Variants in FCER2 observed in about 807,000 individuals in gnomAD.
FCER2 encodes the protein Fc epsilon receptor II, also known as low affinity immunoglobulin epsilon Fc receptor.
Under a neutral mutation model 49.7 loss-of-function variants are expected in FCER2, and 38 were observed. The observed-to-expected ratio is 0.76, with a 90% CI of 0.59 to 1.00. The LOEUF is 1.00. Ranked by LOEUF, FCER2 falls within the 50% of genes least tolerant of loss-of-function variation. The pLI is 0.00. For synonymous variants in FCER2, 163 were observed against 164.6 expected (o/e 0.99, Z 0.07); for missense variants, 425 against 419.5 (o/e 1.01, Z -0.11).
chr19:7,696,863 T>C lies in FCER2; in HGVS notation c.431A>G (p.Glu144Gly). Residue 144 changes from glutamate (E) to glycine (G), a missense_variant, in exon 8 of 11, where the codon GAG becomes GGG. Physicochemically the swap from Glu to Gly is moderately conservative, Grantham distance 98 (BLOSUM62 -2). Transcript: ENST00000597921. Reference sequence around the variant, plus strand: ...CAACTCCATCCTTAGCTTTGTCACCTCCTCCCGGAGTCTTTCCAGCAAATC... The same window carrying C: ...CAACTCCATCCTTAGCTTTGTCACCCCCTCCCGGAGTCTTTCCAGCAAATC... ...ASDLLERLRE[E>G]VTKLRMELQV... The C allele has an allele frequency of 6.3e-7, 1 of 1,587,202 alleles. No individual in the cohort carries two copies. The highest frequency in any genetic ancestry group is 8.6e-7 in the Non-Finnish European group (1 of 1,165,984).
At chr19:7,694,787 T>C (rs547992293) in intron 8 of FCER2, among the ~76,000 whole-genome samples, 1 of 152,174 alleles carries the variant, frequency 6.6e-6, no homozygotes, top group South Asian at 2.1e-4. Context: ...GTGGGGGCAT[T>C]AGCTGGCGGA....
chr19:7,699,237 A>G, intron 2 of FCER2: 1 of 474,070 alleles, frequency 2.1e-6, no homozygotes, highest in Admixed American at 2.8e-5. Context: ...ACTGAGTCCC[A>G]GTTCTTCCCC....
intron 1 of FCER2, among the ~76,000 whole-genome samples, chr19:7,701,105 C>T (rs551773058): frequency 8.5e-5 from 13 of 152,200 alleles, no homozygotes; most frequent in African/African-American, 3.1e-4. Flanking sequence ...CCACTGCGCC[C>T]GACCAAGTCC....
chr19:7,692,162 G>A (rs1408289246), intron 8 of FCER2, among the ~76,000 whole-genome samples: 1 of 125,576 alleles, frequency 8.0e-6, no homozygotes, highest in Non-Finnish European at 1.7e-5. Context: ...CCATCAGCAC[G>A]AATACATTCA....
At position 7,688,914 on chromosome 19, in the gene FCER2, T is replaced by C; in HGVS notation, c.*279A>G. On this transcript the variant is annotated 3_prime_UTR_variant, in exon 11 of 11. Transcript: ENST00000597921. ...AGGGTGCTGTTGGGGTGTACTCTCA[T>C]CTGGAGAGGGTGCTGTTGGGGTGTA... is the stretch of plus-strand genomic sequence containing the variant. 1 of 458,284 alleles carries C rather than the reference T, an allele frequency of 2.2e-6. No individual in the cohort carries two copies. Among genetic ancestry groups the C allele is most frequent in the East Asian group, 3.6e-5 (1 of 27,900 alleles). The allele number at this position is 458,284 out of a possible 1,614,324, so 28.4% of individuals were successfully genotyped here.
chr19:7,690,281 G>T lies in FCER2; in HGVS notation c.622-16C>A. 6.2e-7 allele frequency: 1 copy of T among 1,610,768 alleles called. No individual in the cohort carries two copies. Among genetic ancestry groups the T allele is most frequent in the Non-Finnish European group, 8.5e-7 (1 of 1,177,090 alleles). On this transcript the variant is annotated splice_polypyrimidine_tract_variant and intron_variant, in intron 9 of 10. Coordinates refer to ENST00000597921, the MANE Select transcript of FCER2 (RefSeq NM_001220500.2). Reference sequence around the variant, plus strand: ...TCAGGAAGTCCTGGGGGACAGGACAGGGCTGGAGGACTGGAGACATGTGCC... The same window carrying T: ...TCAGGAAGTCCTGGGGGACAGGACATGGCTGGAGGACTGGAGACATGTGCC...
At chr19:7,692,616 C>T (rs535250741) in intron 8 of FCER2, among the ~76,000 whole-genome samples, 18 of 137,198 alleles carry the variant, frequency 1.3e-4, no homozygotes, top group South Asian at 1.2e-3. Context: ...GCCAGCAGAA[C>T]GCCAGTCACT....
At position 7,689,360 on chromosome 19, in the gene FCER2, G is replaced by T. The variant is rs752039664; in HGVS notation, c.799C>A (p.Arg267Ser). The T allele has an allele frequency of 1.9e-6, 3 of 1,610,442 alleles. No homozygotes were observed. The highest frequency in any genetic ancestry group is 2.2e-5 in the South Asian group (2 of 90,588). ...CGGTCGCAGAAGGCGTCGTTCCAGCGACCGGAGCCCCGCATCATCACGCAG... is the reference window on the plus strand; with the variant it reads ...CGGTCGCAGAAGGCGTCGTTCCAGCTACCGGAGCCCCGCATCATCACGCAG... ...EDCVMMRGSG[R>S]WNDAFCDRKL... Residue 267 changes from arginine (R) to serine (S), a missense_variant, in exon 11 of 11, where the codon CGC becomes AGC. By Grantham distance (110) the Arg-to-Ser change is moderately radical (BLOSUM62 -1). Transcript: ENST00000597921.
chr19:7,699,224 G>T (rs2033099010), intron 2 of FCER2, among the ~76,000 whole-genome samples: 1 of 151,648 alleles, frequency 6.6e-6, no homozygotes. Context: ...CTAAACCCAG[G>T]ACACTGAGTC....
At position 7,690,415 on chromosome 19, in the gene FCER2, C is replaced by T. The variant is rs375077946; in HGVS notation, c.612G>A (p.Pro204=). 17 of 1,613,922 alleles carry T rather than the reference C, an allele frequency of 1.1e-5. No homozygotes were observed. Among genetic ancestry groups the T allele is most frequent in the African/African-American group, 5.3e-5 (4 of 75,062 alleles). Residue 204 remains proline, a synonymous_variant, in exon 9 of 11, where the codon CCG becomes CCA. Transcript: ENST00000597921. ...CAGAGCCCCAGCCCACCTGCTCCTC[C>T]GGGCTGTGGATGCTGACCAGCTGCC... ...MEGQLVSIHS[P]EEQDFLTKHA... is the part of the protein sequence containing the mutation.
Position 7,698,364 on chromosome 19 carries a change from G to A in FCER2, c.182C>T (p.Ala61Val). 6.2e-7 allele frequency: 1 copy of A among 1,611,608 alleles called. No homozygotes were observed. Among genetic ancestry groups the A allele is most frequent in the Non-Finnish European group, 8.5e-7 (1 of 1,178,350 alleles). ...QSLKQLEERA[A>V]RNVSQVSKNL... ...CCTTGACCCCTTCATACCGTTCCGGGCAGCCCTCTCTTCCAGCTGTTTTAG... is the reference window on the plus strand; with the variant it reads ...CCTTGACCCCTTCATACCGTTCCGGACAGCCCTCTCTTCCAGCTGTTTTAG... The change falls in exon 4 of 11, where the codon GCC becomes GTC. Residue 61 changes from alanine (A) to valine (V), a missense_variant. Physicochemically the swap from Ala to Val is moderately conservative, Grantham distance 64. Coordinates refer to ENST00000597921, the MANE Select transcript of FCER2 (RefSeq NM_001220500.2).
In FCER2 at chr19:7,699,254, G is replaced by A. The variant is rs531113334; in HGVS notation, c.23-400C>T. 8.9e-4 allele frequency: 465 copies of A among 521,960 alleles called. 1 individual carries two copies. The highest frequency in any genetic ancestry group is 1.6e-3 in the Admixed American group (58 of 35,716). 32.3% of individuals were successfully genotyped at this position (521,960 alleles called of 1,614,324 possible). ...TGAGTCCCAGTTCTTCCCCAACATC[G>A]GAGCCACTCCCCAGCCACTTTCCCA... is the stretch of plus-strand genomic sequence containing the variant. On this transcript the variant is annotated intron_variant, in intron 2 of 10. Coordinates refer to ENST00000597921, the MANE Select transcript of FCER2 (RefSeq NM_001220500.2).
intron 2 of FCER2, 173 bp downstream of exon 2, chr19:7,699,566 T>A: frequency 8.3e-7 from 1 of 1,204,858 alleles, no homozygotes; most frequent in Non-Finnish European, 1.2e-6. Flanking sequence ...CCTTCCTGGC[T>A]CTGTGCCAGG....
chr19:7,689,113 G>T lies in FCER2; in HGVS notation c.*80C>A. ...TTTGGGTGGCAGAAAATGTCACAGG[G>T]ACCTTTCAGCCACAAAGAGGCTTTT... is the stretch of plus-strand genomic sequence containing the variant. On this transcript the variant is annotated 3_prime_UTR_variant, in exon 11 of 11. Coordinates refer to ENST00000597921, the MANE Select transcript of FCER2 (RefSeq NM_001220500.2). The T allele has an allele frequency of 1.0e-6, 1 of 976,648 alleles. No homozygotes were observed. The highest frequency in any genetic ancestry group is 1.6e-6 in the Non-Finnish European group (1 of 631,830). The allele number at this position is 976,648 out of a possible 1,614,324, so 60.5% of individuals were successfully genotyped here.
rs2032821544 is a variant in FCER2 at position 7,690,200 on chromosome 19, C to T, written c.687G>A (p.Lys229=). Residue 229 remains lysine, a synonymous_variant, in exon 10 of 11, where the codon AAG becomes AAA. Transcript: ENST00000597921. ...SWIGLRNLDL[K]GEFIWVDGSH... is the part of the protein sequence containing the mutation. The stretch of plus-strand genomic sequence containing the variant: ...TCCCATCCACCCAGATAAACTCCCC[C>T]TTCAGGTCCAAGTTCCGAAGGCCAA... 6.2e-7 allele frequency: 1 copy of T among 1,613,952 alleles called. No homozygotes were observed. The highest frequency in any genetic ancestry group is 1.7e-5 in the Admixed American group (1 of 59,998).
Position 7,697,657 on chromosome 19 carries a change from C to T in FCER2, c.191-68G>A, listed in dbSNP as rs571604229. ...GCAGGTCCTTGGACCCCGCCTATGC[C>T]CCAGGCTCAGGGACCCTCTCACATA... On this transcript the variant is annotated intron_variant, in intron 4 of 10. Transcript: ENST00000597921. The T allele has an allele frequency of 1.1e-5, 15 of 1,328,940 alleles. No individual in the cohort carries two copies. The African/African-American group carries it at 1.9e-4, about 17-fold the overall frequency. 82.3% of individuals were successfully genotyped at this position (1,328,940 alleles called of 1,614,324 possible).
chr19:7,696,645 C>A, intron 8 of FCER2, 180 bp downstream of exon 8: 1 of 605,984 alleles, frequency 1.7e-6, no homozygotes. Flanking sequence ...ACCTCTGCCT[C>A]GCATCCAAGC....
intron 8 of FCER2, among the ~76,000 whole-genome samples, chr19:7,695,723 C>T (rs62110738): frequency 0.18 from 27,836 of 151,956 alleles, 3,101 homozygotes; most frequent in African/African-American, 0.3. Flanking sequence ...TCAAGACCAA[C>T]CTGGGTAACA....
At chr19:7,700,700 A>T (rs561767670) in intron 1 of FCER2, among the ~76,000 whole-genome samples, 2 of 151,650 alleles carry the variant, frequency 1.3e-5, no homozygotes, top group Non-Finnish European at 2.9e-5. Flanking sequence ...TTTTTAGTAG[A>T]GACGGGTTTT....
Sources: allele counts gnomAD v4.1 joint callset (sites outside exome capture counted in the v4.1 genomes callset), GRCh38; gene constraint gnomAD v4.1.1; transcripts MANE v1.5; gene names NCBI Gene and HGNC (gene_info 2026-07-23, HGNC 2026-07-21).